Variants in DNAH1 observed in about 807,000 individuals in gnomAD.
The protein encoded by DNAH1 is axonemal beta dynein heavy chain 1.
Under a neutral mutation model 484.3 loss-of-function variants are expected in DNAH1, and 327 were observed. That is an observed-to-expected ratio of 0.68 (90% CI 0.62 to 0.74). DNAH1 has a LOEUF of 0.74. Ranked by LOEUF, DNAH1 falls within the 30% of genes least tolerant of loss-of-function variation. The pLI is 0.00. For synonymous variants in DNAH1, 2,192 were observed against 2,191.9 expected (o/e 1.00, Z 0.00); for missense variants, 5,052 against 5,546.8 (o/e 0.91, Z 2.83).
intron 8 of DNAH1, among the ~76,000 whole-genome samples, chr3:52,339,051 T>C (rs1365908899): frequency 1.3e-5 from 2 of 152,078 alleles, no homozygotes; most frequent in South Asian, 2.1e-4. Context: ...AAAAATTCCC[T>C]TGAATTATAG....
intron 75 of DNAH1, 129 bp downstream of exon 75, chr3:52,398,291 T>C: frequency 8.1e-7 from 1 of 1,236,672 alleles, no homozygotes; most frequent in Middle Eastern, 2.1e-4. Context: ...TATTTTTTGT[T>C]GTTGTTGTTG....
chr3:52,395,279 G>A lies in DNAH1; in HGVS notation c.10969-29G>A, dbSNP rs547502253. 6 of 1,607,174 alleles carry A rather than the reference G, an allele frequency of 3.7e-6. No individual in the cohort carries two copies. In the South Asian group the frequency reaches 6.7e-5, roughly 18 times the overall value. ...CCCCGATCTCTCTGCAGCCCCAGGT[G>A]GTCTCAGCATCTCCCCCTGCCCTTG... is the stretch of plus-strand genomic sequence containing the variant. On this transcript the variant is annotated intron_variant, in intron 68 of 77. Transcript: ENST00000420323. This position sits in a 1 kb window ranked among gnomAD's most constrained non-coding sequence, Gnocchi z 4.4.
Position 52,395,565 on chromosome 3 carries a change from A to T in DNAH1, c.11146A>T (p.Met3716Leu), listed in dbSNP as rs1704584609. 1 of 1,613,656 alleles carries T rather than the reference A, an allele frequency of 6.2e-7. No homozygotes were observed. Among genetic ancestry groups the T allele is most frequent in the African/African-American group, 1.3e-5 (1 of 74,936 alleles). Residue 3716 changes from methionine to leucine, a missense_variant, in exon 70 of 78, where the codon ATG becomes TTG. Around this residue, in one of 4 missense-constraint regions of DNAH1, gnomAD observed 853 missense variants for 899.0 expected, o/e 0.95. Transcript: ENST00000420323. The surrounding 1 kb of genome is among the most constrained non-coding windows in gnomAD (Gnocchi z 4.4). ...GQGQGPRAEAMMRSSIERGKW... is the reference protein window; with the variant it reads ...GQGQGPRAEALMRSSIERGKW... ...CCTGCAGGGCCCTCGGGCAGAAGCC[A>T]TGATGCGCAGCTCCATAGAGAGGGG... is the stretch of plus-strand genomic sequence containing the variant.
At position 52,322,696 on chromosome 3, in the gene DNAH1, C is replaced by G; in HGVS notation, c.254C>G (p.Thr85Ser). Reference protein sequence around the residue: ...GQPRKSPLTGTDKKYPLMKQR... With the variant: ...GQPRKSPLTGSDKKYPLMKQR... ...CCACGGAAGTCACCCCTGACAGGCA[C>G]TGATAAGAAGTACCCGCTGATGAAG... Residue 85 changes from threonine (T) to serine (S), a missense_variant, in exon 2 of 78, where the codon ACT becomes AGT. By Grantham distance (58) the Thr-to-Ser change is moderately conservative. This residue lies in a region of DNAH1 where 1,263 missense variants were observed against 1,218.8 expected (regional missense o/e 1.04). Coordinates refer to ENST00000420323, the MANE Select transcript of DNAH1 (RefSeq NM_015512.5). 5 of 1,613,822 alleles carry G rather than the reference C, an allele frequency of 3.1e-6. No individual in the cohort carries two copies. The highest frequency in any genetic ancestry group is 4.2e-6 in the Non-Finnish European group (5 of 1,179,822).
Position 52,384,002 on chromosome 3 carries a change from G to C in DNAH1, c.8293G>C (p.Glu2765Gln). ...GTTCCTCAATGAGATCCCAGAACTGGAATCCTCCCAGGAAGAAATCCAAGG... is the reference window on the plus strand; with the variant it reads ...GTTCCTCAATGAGATCCCAGAACTGCAATCCTCCCAGGAAGAAATCCAAGG... ...TVFLNEIPELESSQEEIQGLI... is the reference protein window; with the variant it reads ...TVFLNEIPELQSSQEEIQGLI... The change falls in exon 52 of 78, where the codon GAA (glutamate) becomes CAA (glutamine). Residue 2765 changes from glutamate to glutamine, a missense_variant. By Grantham distance (29) the Glu-to-Gln change is conservative. Around this residue, in one of 4 missense-constraint regions of DNAH1, gnomAD observed 2,929 missense variants for 3,409.4 expected, o/e 0.86. Coordinates refer to ENST00000420323, the MANE Select transcript of DNAH1 (RefSeq NM_015512.5). 6.2e-7 allele frequency: 1 copy of C among 1,609,480 alleles called. No homozygotes were observed. Among genetic ancestry groups the C allele is most frequent in the Non-Finnish European group, 8.5e-7 (1 of 1,177,854 alleles).
chr3:52,399,297 C>T lies in DNAH1; in HGVS notation c.12441+96C>T, dbSNP rs1467116834. ...CACGGTTGGTTGGCAGTTGGGGGAC[C>T]CCTAAGCCAGGGCATGGAAAGACCC... On this transcript the variant is annotated intron_variant, in intron 76 of 77. Coordinates refer to ENST00000420323, the MANE Select transcript of DNAH1 (RefSeq NM_015512.5). 4 of 1,313,858 alleles carry T rather than the reference C, an allele frequency of 3.0e-6. No individual in the cohort carries two copies. The African/African-American group carries it at 4.4e-5, about 15-fold the overall frequency. The allele number at this position is 1,313,858 out of a possible 1,614,324, so 81.4% of individuals were successfully genotyped here.
At position 52,393,372 on chromosome 3, in the gene DNAH1, C is replaced by G. The variant is rs758896772; in HGVS notation, c.10513C>G (p.Leu3505Val). The G allele has an allele frequency of 1.9e-5, 30 of 1,613,904 alleles. No individual in the cohort carries two copies. Among genetic ancestry groups the G allele is most frequent in the Non-Finnish European group, 2.5e-5 (29 of 1,179,898 alleles). ...GCGCATCTCCAACATCAACCGCTAC[C>G]TGACCTACAGCCTCTACAGCAACGT... is the stretch of plus-strand genomic sequence containing the variant. ...KKRISNINRY[L>V]TYSLYSNVCR... The change falls in exon 66 of 78, where the codon CTG becomes GTG. Residue 3505 changes from leucine (L) to valine (V), a missense_variant. Physicochemically the swap from Leu to Val is conservative, Grantham distance 32. This residue lies in a region of DNAH1 where 2,929 missense variants were observed against 3,409.4 expected (regional missense o/e 0.86). Transcript: ENST00000420323.
At chr3:52,335,151 ATTTTTTTT>A (rs35061562) in intron 8 of DNAH1, among the ~76,000 whole-genome samples, 4 of 80,086 alleles carry the variant, frequency 5.0e-5, no homozygotes, top group African/African-American at 2.1e-4. Context: ...GCAATGTGTG[ATTTTTTTT>A]TTTTTTTTTT....
chr3:52,375,270 TTGTC>T lies in DNAH1; in HGVS notation c.7020_7023del (p.Cys2341ProfsTer16), dbSNP rs1188620539. ...TTCAAGAACCTAGTGGACATCAACT[TTGTC>T]TGTGCCATGGGCCCCCCGGGTGGAG... On this transcript the variant is annotated frameshift_variant, in exon 45 of 78. Transcript: ENST00000420323. LOFTEE classifies it high-confidence loss of function. 1 of 1,610,412 alleles carries T rather than the reference TTGTC, an allele frequency of 6.2e-7. No homozygotes were observed. Among genetic ancestry groups the T allele is most frequent in the Non-Finnish European group, 8.5e-7 (1 of 1,178,496 alleles).
chr3:52,342,330 G>A (rs1294165693), intron 8 of DNAH1, among the ~76,000 whole-genome samples: 2 of 152,218 alleles, frequency 1.3e-5, no homozygotes, highest in Admixed American at 6.5e-5. Context: ...TGGCTTGATC[G>A]TTTACATGTT....
At chr3:52,394,329 T>C (rs969342500) in intron 66 of DNAH1, 136 bp from the exon 67 acceptor site, 2 of 824,414 alleles carry the variant, frequency 2.4e-6, no homozygotes, top group East Asian at 2.7e-5. Context: ...AACCCAGACC[T>C]GTTTGACTAC....
chr3:52,338,112 T>A (rs11706001), intron 8 of DNAH1, among the ~76,000 whole-genome samples: 29,181 of 152,010 alleles, frequency 0.19, 3,275 homozygotes, highest in African/African-American at 0.3. Flanking sequence ...TTAATTAATT[T>A]ATTTATTTAT....
Position 52,397,699 on chromosome 3 carries a change from T to C in DNAH1, c.11788-8T>C, listed in dbSNP as rs774809016. ...CAGGGGCTTCCATGTTGGCCTCCTC[T>C]CTCCTAGGGCTACCTCTCCTACATC... is the stretch of plus-strand genomic sequence containing the variant. On this transcript the variant is annotated splice_region_variant and splice_polypyrimidine_tract_variant and intron_variant, in intron 73 of 77. Transcript: ENST00000420323. 1 of 1,586,816 alleles carries C rather than the reference T, an allele frequency of 6.3e-7. No homozygotes were observed. Among genetic ancestry groups the C allele is most frequent in the South Asian group, 1.2e-5 (1 of 86,678 alleles).
rs891359870 is a variant in DNAH1, at chr3:52,361,952, G to T, written c.4980+186G>T. On this transcript the variant is annotated intron_variant, in intron 30 of 77. Coordinates refer to ENST00000420323, the MANE Select transcript of DNAH1 (RefSeq NM_015512.5). The surrounding 1 kb of genome is among the most constrained non-coding windows in gnomAD (Gnocchi z 5.6). ...AGGCCAAGCTGCGGGGGATGAAGGGGTCCCCTCCTCATTACATCCTGACCT... is the reference window on the plus strand; with the variant it reads ...AGGCCAAGCTGCGGGGGATGAAGGGTTCCCCTCCTCATTACATCCTGACCT... Among the ~76,000 whole-genome samples the T allele has an allele frequency of 6.6e-6, 1 of 152,222 alleles. No homozygotes were observed. The highest frequency in any genetic ancestry group is 6.5e-5 in the Admixed American group (1 of 15,286).
Position 52,370,515 on chromosome 3 carries a change from C to G in DNAH1, c.6297C>G (p.Ile2099Met), listed in dbSNP as rs377060183. 1 of 1,613,882 alleles carries G rather than the reference C, an allele frequency of 6.2e-7. No individual in the cohort carries two copies. Among genetic ancestry groups the G allele is most frequent in the African/African-American group, 1.3e-5 (1 of 74,926 alleles). The change falls in exon 40 of 78, where the codon ATC becomes ATG. Residue 2099 changes from isoleucine to methionine, a missense_variant. Coordinates refer to ENST00000420323, the MANE Select transcript of DNAH1 (RefSeq NM_015512.5). Reference protein sequence around the residue: ...KKIPSEKLSRIVELIEPWFIF... With the variant: ...KKIPSEKLSRMVELIEPWFIF... ...TACCCTCTGAAAAGCTGAGTCGCAT[C>G]GTAGAGTTGATCGAGCCCTGGTTCA... is the stretch of plus-strand genomic sequence containing the variant.
rs1233422017 is a variant in DNAH1 at position 52,388,512 on chromosome 3, C to G, written c.9266C>G (p.Ala3089Gly). 1.2e-6 allele frequency: 2 copies of G among 1,612,694 alleles called. No individual in the cohort carries two copies. The highest frequency in any genetic ancestry group is 2.2e-5 in the East Asian group (1 of 44,856). ...CTTCGTGAGGTGGAGGACGGCATCGCCACAATGCAGGCTAAGTACCGGGAA... is the reference window on the plus strand; with the variant it reads ...CTTCGTGAGGTGGAGGACGGCATCGGCACAATGCAGGCTAAGTACCGGGAA... Reference protein sequence around the residue: ...QRLREVEDGIATMQAKYRECI... With the variant: ...QRLREVEDGIGTMQAKYRECI... Residue 3089 changes from alanine to glycine, a missense_variant, in exon 58 of 78, where the codon GCC (alanine) becomes GGC (glycine). This residue lies in a region of DNAH1 where 2,929 missense variants were observed against 3,409.4 expected (regional missense o/e 0.86). Transcript: ENST00000420323.
intron 37 of DNAH1, among the ~76,000 whole-genome samples, chr3:52,369,360 T>A (rs1258120895): frequency 6.6e-6 from 1 of 152,118 alleles, no homozygotes; most frequent in Non-Finnish European, 1.5e-5. Context: ...GGGATCTGTC[T>A]GGTGTGTGAG....
rs149822137 is a variant in DNAH1, at chr3:52,361,203, TG to T, written c.4730del (p.Gly1577ValfsTer107). On this transcript the variant is annotated frameshift_variant, in exon 29 of 78. Coordinates refer to ENST00000420323, the MANE Select transcript of DNAH1 (RefSeq NM_015512.5). LOFTEE classifies it high-confidence loss of function. The surrounding 1 kb of genome is among the most constrained non-coding windows in gnomAD (Gnocchi z 5.6). ...TLTGALHLKF[G>X]GAPAGPAGTG... is the part of the protein sequence containing the mutation. Reference sequence around the variant, plus strand: ...TGACCGGAGCTCTGCACCTCAAGTTTGGGGGTGCCCCAGCTGGCCCAGCTGG... The same window carrying T: ...TGACCGGAGCTCTGCACCTCAAGTTTGGGGTGCCCCAGCTGGCCCAGCTGG... 1.2e-6 allele frequency: 2 copies of T among 1,612,176 alleles called. No homozygotes were observed. The highest frequency in any genetic ancestry group is 8.5e-7 in the Non-Finnish European group (1 of 1,179,308).
chr3:52,370,454 G>T, intron 39 of DNAH1, 23 bp from the exon 40 acceptor site: 1 of 1,613,878 alleles, frequency 6.2e-7, no homozygotes, highest in South Asian at 1.1e-5. Context: ...GTCTCAGCCT[G>T]ATACTGTTCC....
Sources: allele counts gnomAD v4.1 joint callset (sites outside exome capture counted in the v4.1 genomes callset), GRCh38; gene constraint gnomAD v4.1.1; regional missense constraint gnomAD v4.1.1; non-coding constraint Gnocchi (gnomAD v3.1); transcripts MANE v1.5; gene names NCBI Gene and HGNC (gene_info 2026-07-23, HGNC 2026-07-21).